EMILIN2: variants seen among roughly 807,000 people sequenced by gnomAD.
EMILIN2 encodes the protein EMILIN-2.
EMILIN2 carries 71 observed loss-of-function variants against 87.1 expected under a neutral mutation model. That is an observed-to-expected ratio of 0.82 (90% confidence interval 0.67 to 0.99). EMILIN2 has a LOEUF of 0.99. Among genes scored for constraint, EMILIN2 ranks in the 50% least tolerant of loss-of-function variants. EMILIN2 has a pLI of 0.00. For missense variants in EMILIN2, 1,407 were observed against 1,371.8 expected (o/e 1.03, Z -0.40); for synonymous variants, 581 against 563.4 (o/e 1.03, Z -0.44).
intron 2 of EMILIN2, among the ~76,000 whole-genome samples, chr18:2,870,567 T>C (rs9944570): frequency 0.082 from 12,477 of 152,236 alleles, 1,690 homozygotes; most frequent in African/African-American, 0.28. Context: ...ATGAGAATTG[T>C]AGTAAGAGAA....
In EMILIN2 at chr18:2,891,506, C is replaced by T. The variant is rs146818238; in HGVS notation, c.1379C>T (p.Thr460Met). 115 of 1,614,014 alleles carry T rather than the reference C, an allele frequency of 7.1e-5. No individual in the cohort carries two copies. Among genetic ancestry groups the T allele is most frequent in the Admixed American group, 3.5e-4 (21 of 59,990 alleles). The change falls in exon 4 of 8, where the codon ACG (threonine) becomes ATG (methionine). Residue 460 changes from threonine (T) to methionine (M), a missense_variant. Thr to Met is a moderately conservative substitution (Grantham distance 81, BLOSUM62 -1). Transcript: ENST00000254528. The surrounding 1 kb of genome is among the most constrained non-coding windows in gnomAD (Gnocchi z 4.6). The stretch of plus-strand genomic sequence containing the variant: ...GAACTCGATGCAAGGATCAATGTGA[C>T]GGAGAAGAACGCTGAAGAACATTGC... ...WNELDARINV[T>M]EKNAEEHCFY...
At position 2,858,581 on chromosome 18, in the gene EMILIN2, G is replaced by GTATATATATATATATATA. The variant is rs1416903980; in HGVS notation, c.257+10651_257+10652insATATATATATATATATAT. On this transcript the variant is annotated intron_variant, in intron 2 of 7. Transcript: ENST00000254528. Reference sequence around the variant, plus strand: ...TATATATATATATATGTGTGTGTGTGTGTATATATATATATATATATGTGT... The same window carrying GTATATATATATATATATA: ...TATATATATATATATGTGTGTGTGTGTATATATATATATATATATGTATATATATATATATATATGTGT... Among the ~76,000 whole-genome samples the GTATATATATATATATATA allele has an allele frequency of 9.3e-5, 6 of 64,810 alleles. 1 individual carries two copies. Among genetic ancestry groups the GTATATATATATATATATA allele is most frequent in the African/African-American group, 1.9e-4 (2 of 10,676 alleles). The allele number at this position is 64,810 out of a possible 152,430, so 42.5% of individuals were successfully genotyped here. A position where few individuals can be genotyped will look rare whatever the true frequency, so the allele number is the denominator to read the frequency against.
rs1451704300 is a variant in EMILIN2, at chr18:2,867,748, T to C, written c.258-17216T>C. On this transcript the variant is annotated intron_variant, in intron 2 of 7. Transcript: ENST00000254528. Reference sequence around the variant, plus strand: ...AAAACAAAAAGTCTCCCATGTCTACTTCTTTCTACACAGACACGGCAACCA... The same window carrying C: ...AAAACAAAAAGTCTCCCATGTCTACCTCTTTCTACACAGACACGGCAACCA... Among the ~76,000 whole-genome samples, 5 of 135,654 alleles carry C rather than the reference T, an allele frequency of 3.7e-5. No homozygotes were observed. In the East Asian group the frequency reaches 1.0e-3, roughly 28 times the overall value. 89.0% of individuals were successfully genotyped at this position (135,654 alleles called of 152,430 possible).
intron 4 of EMILIN2, among the ~76,000 whole-genome samples, chr18:2,901,807 G>A (rs1444137242): frequency 6.6e-6 from 1 of 152,230 alleles, no homozygotes; most frequent in East Asian, 1.9e-4. Context: ...ATAAATGTGT[G>A]CGTTCGGCAC....
In EMILIN2 at chr18:2,891,247, A is replaced by T. The variant is rs752146402; in HGVS notation, c.1120A>T (p.Thr374Ser). 27 of 1,614,224 alleles carry T rather than the reference A, an allele frequency of 1.7e-5. No homozygotes were observed. In the East Asian group the frequency reaches 5.8e-4, roughly 35 times the overall value. Reference protein sequence around the residue: ...GVIELIGEKETSLRKEINNLR... With the variant: ...GVIELIGEKESSLRKEINNLR... ...GATAGAGCTCATAGGGGAGAAGGAA[A>T]CAAGCCTGAGAAAAGAAATAAATAA... Residue 374 changes from threonine to serine, a missense_variant, in exon 4 of 8, where the codon ACA becomes TCA. By Grantham distance (58) the Thr-to-Ser change is moderately conservative (BLOSUM62 1). Coordinates refer to ENST00000254528, the MANE Select transcript of EMILIN2 (RefSeq NM_032048.3). This position sits in a 1 kb window ranked among gnomAD's most constrained non-coding sequence, Gnocchi z 4.6.
intron 4 of EMILIN2, among the ~76,000 whole-genome samples, chr18:2,902,253 C>T (rs112513091): frequency 8.9e-4 from 135 of 152,230 alleles, no homozygotes; most frequent in African/African-American, 3.2e-3. Flanking sequence ...ATAGGTTGAG[C>T]CTTCTTTTAT....
rs28651233 is a variant in EMILIN2, at chr18:2,915,679, C to T, written c.*2275C>T. 15,123 of 152,216 alleles carry T rather than the reference C, an allele frequency of 0.099. 1,041 individuals carry two copies. Among genetic ancestry groups the T allele is most frequent in the African/African-American group, 0.2 (8,290 of 41,486 alleles). 9.4% of individuals were successfully genotyped at this position (152,216 alleles called of 1,614,324 possible). ...CGGGGACTACAGGTGCATGCCGCCA[C>T]GCCCGGTTAATTTTTTGTATTTTAG... On this transcript the variant is annotated 3_prime_UTR_variant, in exon 8 of 8. Transcript: ENST00000254528.
chr18:2,912,750 C>T (rs1357703453), intron 7 of EMILIN2, among the ~76,000 whole-genome samples: 2 of 152,152 alleles, frequency 1.3e-5, no homozygotes, highest in Non-Finnish European at 2.9e-5. Context: ...TTTTATTGGC[C>T]CTGCCTCCCG....
rs1388159570 is a variant in EMILIN2 at position 2,913,218 on chromosome 18, C to T, written c.2976C>T (p.Tyr992=). 1.2e-6 allele frequency: 2 copies of T among 1,614,056 alleles called. No homozygotes were observed. Residue 992 remains tyrosine, a synonymous_variant, in exon 8 of 8, where the codon TAC becomes TAT. Transcript: ENST00000254528. ...TAGYRREFLE[Y]HRPPGALHTC... ...GGTACAGGAGAGAGTTCCTGGAATA[C>T]CACCGCCCTCCAGGAGCTTTGCATA...
rs946207722 is a variant in EMILIN2 at position 2,848,030 on chromosome 18, C to G, written c.257+99C>G. 2.2e-6 allele frequency: 3 copies of G among 1,361,914 alleles called. No individual in the cohort carries two copies. The highest frequency in any genetic ancestry group is 5.2e-5 in the East Asian group (2 of 38,430). 84.4% of individuals were successfully genotyped at this position (1,361,914 alleles called of 1,614,324 possible). The stretch of plus-strand genomic sequence containing the variant: ...CTGGGCTCCAGTCCCTCCGGTAAAT[C>G]CCTTCCAGATCCGGTGAAAAGCCCG... On this transcript the variant is annotated intron_variant, in intron 2 of 7. Transcript: ENST00000254528. This position sits in a 1 kb window ranked among gnomAD's most constrained non-coding sequence, Gnocchi z 4.1.
At position 2,885,005 on chromosome 18, in the gene EMILIN2, AG is replaced by A; in HGVS notation, c.300del (p.Thr101GlnfsTer2). The A allele has an allele frequency of 1.2e-6, 2 of 1,613,452 alleles. No individual in the cohort carries two copies. Among genetic ancestry groups the A allele is most frequent in the Non-Finnish European group, 1.7e-6 (2 of 1,179,726 alleles). On this transcript the variant is annotated frameshift_variant, in exon 3 of 8. Transcript: ENST00000254528. LOFTEE classifies it high-confidence loss of function. Reference sequence around the variant, plus strand: ...AGACCTAGATATGTCACTAGGTATAAGACAGTGACACAGTTGGAATGGAGGT... The same window carrying A: ...AGACCTAGATATGTCACTAGGTATAAACAGTGACACAGTTGGAATGGAGGT... Reference protein sequence around the residue: ...NFRPRYVTRYKTVTQLEWRCC... With the variant: ...NFRPRYVTRYXTVTQLEWRCC...
chr18:2,913,444 A>G lies in EMILIN2; in HGVS notation c.*40A>G, dbSNP rs933824794. 2.0e-6 allele frequency: 3 copies of G among 1,463,976 alleles called. No homozygotes were observed. The highest frequency in any genetic ancestry group is 2.2e-5 in the Admixed American group (1 of 46,070). 90.7% of individuals were successfully genotyped at this position (1,463,976 alleles called of 1,614,324 possible). ...TGTCAGGGGAAAGATAGATAGTTGT[A>G]AAAACTCTAAAGCTTTAATATATTC... On this transcript the variant is annotated 3_prime_UTR_variant, in exon 8 of 8. Coordinates refer to ENST00000254528, the MANE Select transcript of EMILIN2 (RefSeq NM_032048.3).
chr18:2,847,946 CG>C lies in EMILIN2; in HGVS notation c.257+19del. 3.0e-6 allele frequency: 4 copies of C among 1,341,448 alleles called. No homozygotes were observed. The highest frequency in any genetic ancestry group is 3.0e-6 in the Non-Finnish European group (3 of 1,005,652). 83.1% of individuals were successfully genotyped at this position (1,341,448 alleles called of 1,614,324 possible). A position where few individuals can be genotyped will look rare whatever the true frequency, so the allele number is the denominator to read the frequency against. On this transcript the variant is annotated intron_variant, in intron 2 of 7. Coordinates refer to ENST00000254528, the MANE Select transcript of EMILIN2 (RefSeq NM_032048.3). This position sits in a 1 kb window ranked among gnomAD's most constrained non-coding sequence, Gnocchi z 4.5. ...TCGGCGCTGGTGTAAGTCCTGGAGC[CG>C]GGGAGCGGGCGGGGCGCGCCCGGGC...
intron 2 of EMILIN2, among the ~76,000 whole-genome samples, chr18:2,869,550 A>G (rs1228921126): frequency 1.3e-5 from 2 of 152,128 alleles, no homozygotes; most frequent in Non-Finnish European, 2.9e-5. Flanking sequence ...GGCTTCTTTC[A>G]TTGAACAGAA....
At chr18:2,911,304 T>G (rs1264534837) in intron 7 of EMILIN2, among the ~76,000 whole-genome samples, 1 of 152,234 alleles carries the variant, frequency 6.6e-6, no homozygotes, top group Non-Finnish European at 1.5e-5. Context: ...GCGTGCGCAG[T>G]GTTTCCTGGA....
intron 3 of EMILIN2, among the ~76,000 whole-genome samples, chr18:2,887,609 T>C (rs2076809544): frequency 6.6e-6 from 1 of 152,154 alleles, no homozygotes; most frequent in African/African-American, 2.4e-5. Context: ...TCACCTTCCG[T>C]CATGAGTAGA....
In EMILIN2 at chr18:2,904,116, C is replaced by A. The variant is rs147522017; in HGVS notation, c.2360-2667C>A. Among the ~76,000 whole-genome samples, 427 of 152,348 alleles carry A rather than the reference C, an allele frequency of 2.8e-3. 2 individuals are homozygous for A. Among genetic ancestry groups the A allele is most frequent in the African/African-American group, 9.7e-3 (404 of 41,582 alleles). On this transcript the variant is annotated intron_variant, in intron 4 of 7. Coordinates refer to ENST00000254528, the MANE Select transcript of EMILIN2 (RefSeq NM_032048.3). ...TGCTGGGTACAGATTTCAAGGTTGA[C>A]AATTACATTCTAGCATTGTTTGATG... is the stretch of plus-strand genomic sequence containing the variant.
rs966452038 is a variant in EMILIN2 at position 2,906,980 on chromosome 18, C to A, written c.2557C>A (p.Pro853Thr). ...CATCGCGGAGACGGGCCAGGCCGGG[C>A]CCCCCGCAGGCGCAGGCGTGTCTGG... The part of the protein sequence containing the change: ...GVIAETGQAG[P>T]PAGAGVSGRG... The change falls in exon 5 of 8, where the codon CCC becomes ACC. Residue 853 changes from proline (P) to threonine (T), a missense_variant. By Grantham distance (38) the Pro-to-Thr change is conservative. Coordinates refer to ENST00000254528, the MANE Select transcript of EMILIN2 (RefSeq NM_032048.3). 4 of 1,386,520 alleles carry A rather than the reference C, an allele frequency of 2.9e-6. No individual in the cohort carries two copies. The highest frequency in any genetic ancestry group is 1.6e-5 in the South Asian group (1 of 62,666). The allele number at this position is 1,386,520 out of a possible 1,614,324, so 85.9% of individuals were successfully genotyped here. A position where few individuals can be genotyped will look rare whatever the true frequency, so the allele number is the denominator to read the frequency against.
rs1451459966 is a variant in EMILIN2, at chr18:2,848,068, G to C, written c.257+137G>C. The C allele has an allele frequency of 5.9e-6, 7 of 1,180,148 alleles. No homozygotes were observed. The highest frequency in any genetic ancestry group is 8.0e-6 in the Non-Finnish European group (7 of 872,576). 73.1% of individuals were successfully genotyped at this position (1,180,148 alleles called of 1,614,324 possible). A position where few individuals can be genotyped will look rare whatever the true frequency, so the allele number is the denominator to read the frequency against. The stretch of plus-strand genomic sequence containing the variant: ...GGTGAAAAGCCCGCAGCGGAAAAGC[G>C]CTCCGAGCGCTCGCGGGGCACCGGC... On this transcript the variant is annotated intron_variant, in intron 2 of 7. Coordinates refer to ENST00000254528, the MANE Select transcript of EMILIN2 (RefSeq NM_032048.3). This position sits in a 1 kb window ranked among gnomAD's most constrained non-coding sequence, Gnocchi z 4.1.
Sources: gnomAD v4.1 joint callset for allele counts (sites outside exome capture counted in the v4.1 genomes callset) on GRCh38, gnomAD v4.1.1 for gene constraint, Gnocchi (gnomAD v3.1) non-coding constraint, MANE v1.5 for transcripts, NCBI Gene and HGNC (gene_info 2026-07-23, HGNC 2026-07-21) for gene names.